The following SOS2 variants were observed in gnomAD, a reference collection of about 807,000 sequenced individuals.
SOS2 encodes the protein son of sevenless homolog 2.
In SOS2, 65 loss-of-function variants were observed where a neutral mutation model predicts 148.2. That is an observed-to-expected ratio of 0.44 (90% CI 0.36 to 0.54). SOS2 has a LOEUF of 0.54. Ranked by LOEUF, SOS2 falls within the 20% of genes least tolerant of loss-of-function variation. The probability of loss-of-function intolerance (pLI) is 0.00; values close to 1 mark genes in which losing one functional copy is unlikely to be tolerated. For missense variants in SOS2, 1,341 were observed against 1,590.2 expected, an observed-to-expected ratio of 0.84 and a Z score of 2.67; for synonymous variants, 539 against 537.1, an observed-to-expected ratio of 1.00 and a Z score of -0.05.
At chr14:50,188,453 G>T in intron 5 of SOS2, 44 bp downstream of exon 5, 1 of 1,298,678 alleles carries the variant, frequency 7.7e-7, no homozygotes, top group Non-Finnish European at 1.1e-6. Flanking sequence ...AGCTGGTCTG[G>T]TTTTTTGGGG....
intron 14 of SOS2, among the ~76,000 whole-genome samples, chr14:50,148,914 G>A (rs1884577605): frequency 6.6e-6 from 1 of 152,056 alleles, no homozygotes; most frequent in African/African-American, 2.4e-5. Context: ...TTTTATTTTA[G>A]AGATAGGGTC....
Position 50,129,188 on chromosome 14 carries a change from T to G in SOS2, c.3379+773A>C, listed in dbSNP as rs1169328786. Among the ~76,000 whole-genome samples, 3 of 152,116 alleles carry G rather than the reference T, an allele frequency of 2.0e-5. No individual in the cohort carries two copies. In the East Asian group the frequency reaches 5.8e-4, roughly 29 times the overall value. On this transcript the variant is annotated intron_variant, in intron 21 of 22. Transcript: ENST00000216373. ...GATAGAATAGTGCTTTACTTAAAAT[T>G]TACTGCTTTAATTAAATAAGATGAT... is the stretch of plus-strand genomic sequence containing the variant.
intron 22 of SOS2, 120 bp downstream of exon 22, chr14:50,120,155 C>A (rs780600630): frequency 1.7e-6 from 1 of 587,940 alleles, no homozygotes; most frequent in South Asian, 2.3e-5. Flanking sequence ...ATATAACAAC[C>A]CAAATGCTGA....
chr14:50,218,016 G>C (rs1256380486), intron 1 of SOS2, among the ~76,000 whole-genome samples: 2 of 151,258 alleles, frequency 1.3e-5, no homozygotes, highest in African/African-American at 4.9e-5. Context: ...AGATAGTATA[G>C]GCCAGGTGCA....
intron 11 of SOS2, among the ~76,000 whole-genome samples, 184 bp downstream of exon 11, chr14:50,158,381 T>C (rs1377115745): frequency 3.3e-5 from 5 of 152,170 alleles, no homozygotes. Flanking sequence ...GCTGAAAAGA[T>C]CTGTGTTTAT....
At position 50,137,066 on chromosome 14, in the gene SOS2, C is replaced by T. The variant is rs140374841; in HGVS notation, c.2958+1546G>A. 2.4e-3 allele frequency among the ~76,000 whole-genome samples: 359 copies of T among 152,196 alleles called. 3 individuals carry two copies. The highest frequency in any genetic ancestry group is 8.0e-3 in the African/African-American group (333 of 41,500). On this transcript the variant is annotated intron_variant, in intron 18 of 22. Coordinates refer to ENST00000216373, the MANE Select transcript of SOS2 (RefSeq NM_006939.4). Reference sequence around the variant, plus strand: ...TGCAGATTATGTCTAAAAAGTTTAGCGCAGTTTTTAATATGACACGTAAAC... The same window carrying T: ...TGCAGATTATGTCTAAAAAGTTTAGTGCAGTTTTTAATATGACACGTAAAC...
chr14:50,119,375 G>A (rs1306833945), intron 22 of SOS2, among the ~76,000 whole-genome samples: 2 of 152,188 alleles, frequency 1.3e-5, no homozygotes, highest in African/African-American at 2.4e-5. Context: ...TGGCTCCACA[G>A]TCTGATTTTA....
intron 1 of SOS2, among the ~76,000 whole-genome samples, chr14:50,223,445 C>T (rs1039142674): frequency 7.2e-5 from 11 of 152,106 alleles, no homozygotes; most frequent in African/African-American, 2.4e-4. Flanking sequence ...GAGGCCGGGG[C>T]GGGCAGGTGA....
chr14:50,148,338 AG>A (rs1403495672), intron 14 of SOS2, among the ~76,000 whole-genome samples: 2 of 149,280 alleles, frequency 1.3e-5, no homozygotes, highest in East Asian at 4.0e-4. Flanking sequence ...TGAACTTGGG[AG>A]GCACAGGTTG....
intron 8 of SOS2, among the ~76,000 whole-genome samples, chr14:50,164,333 G>A (rs904890936): frequency 6.6e-6 from 1 of 152,000 alleles, no homozygotes; most frequent in Non-Finnish European, 1.5e-5. Flanking sequence ...CCAGCTATTT[G>A]GGAGGCTGAG....
intron 1 of SOS2, among the ~76,000 whole-genome samples, chr14:50,207,644 C>T: frequency 6.6e-6 from 1 of 151,072 alleles, no homozygotes; most frequent in African/African-American, 2.4e-5. Context: ...GGCATGGTGG[C>T]TCGTAATCCC....
chr14:50,201,307 T>G (rs1595018519), intron 2 of SOS2, among the ~76,000 whole-genome samples: 1 of 151,718 alleles, frequency 6.6e-6, no homozygotes, highest in African/African-American at 2.4e-5. Flanking sequence ...CTGAGGCAGG[T>G]GGATCACTTG....
chr14:50,153,914 A>G (rs1884739892), intron 12 of SOS2, among the ~76,000 whole-genome samples: 1 of 151,936 alleles, frequency 6.6e-6, no homozygotes, highest in South Asian at 2.1e-4. Context: ...CACCCAGCCT[A>G]TCATCAAATT....
chr14:50,142,110 T>C (rs1884314894), intron 16 of SOS2, among the ~76,000 whole-genome samples: 1 of 151,342 alleles, frequency 6.6e-6, no homozygotes, highest in East Asian at 1.9e-4. Context: ...CGGGTTCAAG[T>C]GATTCTCCTG....
chr14:50,218,368 C>A (rs1051913947), intron 1 of SOS2, among the ~76,000 whole-genome samples: 5 of 150,826 alleles, frequency 3.3e-5, no homozygotes, highest in Admixed American at 3.3e-4. Flanking sequence ...ACTAAAAATA[C>A]AAAAATTAGC....
chr14:50,161,717 T>C lies in SOS2; in HGVS notation c.1069-108A>G, dbSNP rs904226176. The C allele has an allele frequency of 3.5e-5, 31 of 898,182 alleles. No individual in the cohort carries two copies. In the Middle Eastern group the frequency reaches 2.0e-3, roughly 59 times the overall value. 55.6% of individuals were successfully genotyped at this position (898,182 alleles called of 1,614,324 possible). A position where few individuals can be genotyped will look rare whatever the true frequency, so the allele number is the denominator to read the frequency against. On this transcript the variant is annotated intron_variant, in intron 8 of 22. Transcript: ENST00000216373. ...AATATTATCAACTCTAAGTTAATTTTATATATACTTAATAAAAACAGCTAT... is the reference window on the plus strand; with the variant it reads ...AATATTATCAACTCTAAGTTAATTTCATATATACTTAATAAAAACAGCTAT...
At chr14:50,177,383 A>G (rs1885559267) in intron 7 of SOS2, among the ~76,000 whole-genome samples, 1 of 152,200 alleles carries the variant, frequency 6.6e-6, no homozygotes, top group South Asian at 2.1e-4. Flanking sequence ...TTTTAGTTTT[A>G]TTAAGGAAGC....
chr14:50,183,516 A>G (rs978245925), intron 5 of SOS2, among the ~76,000 whole-genome samples: 4 of 152,196 alleles, frequency 2.6e-5, no homozygotes, highest in Non-Finnish European at 5.9e-5. Flanking sequence ...GATAACAGAC[A>G]ATAAAAATAC....
chr14:50,208,917 T>C (rs1886766349), intron 1 of SOS2, among the ~76,000 whole-genome samples: 1 of 152,176 alleles, frequency 6.6e-6, no homozygotes, highest in Non-Finnish European at 1.5e-5. Flanking sequence ...TTACACACTA[T>C]TTCTGGGTAT....
Sources: allele counts gnomAD v4.1 joint callset (sites outside exome capture counted in the v4.1 genomes callset), GRCh38; gene constraint gnomAD v4.1.1; transcripts MANE v1.5; gene names NCBI Gene and HGNC (gene_info 2026-07-23, HGNC 2026-07-21).